MBNL1: variants seen among roughly 807,000 people sequenced by gnomAD.
MBNL1 encodes the protein muscleblind-like protein 1.
A neutral mutation model predicts 42.2 loss-of-function variants in MBNL1; 8 were observed. The observed-to-expected ratio is 0.19, with a 90% CI of 0.11 to 0.34. MBNL1 has a LOEUF of 0.34. MBNL1 is among the 10% of genes least tolerant of loss of function. The probability of loss-of-function intolerance (pLI) is 1.00; values close to 1 mark genes in which losing one functional copy is unlikely to be tolerated. For missense variants in MBNL1, 309 were observed against 495.3 expected (o/e 0.62, Z 3.57); for synonymous variants, 169 against 173.9 (o/e 0.97, Z 0.22).
At position 152,357,301 on chromosome 3, in the gene MBNL1, G is replaced by A. The variant is rs116758365; in HGVS notation, c.174+56934G>A. Among the ~76,000 whole-genome samples, 875 of 152,248 alleles carry A rather than the reference G, an allele frequency of 5.7e-3. 8 individuals carry two copies. The highest frequency in any genetic ancestry group is 0.02 in the African/African-American group (835 of 41,546). ...TAGTCAAGACCATTGCTACTCCTTAGTTATATGATCTTTGAACGGACTTTT... is the reference window on the plus strand; with the variant it reads ...TAGTCAAGACCATTGCTACTCCTTAATTATATGATCTTTGAACGGACTTTT... On this transcript the variant is annotated intron_variant, in intron 2 of 9. Coordinates refer to ENST00000324210, the MANE Select transcript of MBNL1 (RefSeq NM_021038.5).
intron 2 of MBNL1, among the ~76,000 whole-genome samples, chr3:152,245,722 T>C (rs1365502163): frequency 1.3e-5 from 2 of 152,208 alleles, no homozygotes; most frequent in African/African-American, 4.8e-5. Context: ...CGTATTTTCA[T>C]GCACTACACC....
At chr3:152,443,215 T>C (rs569853264) in intron 4 of MBNL1, among the ~76,000 whole-genome samples, 120 of 130,538 alleles carry the variant, frequency 9.2e-4, no homozygotes, top group African/African-American at 3.4e-3. Flanking sequence ...TGCAAATACA[T>C]ACACACAGAA....
chr3:152,317,890 G>A (rs1301873299), intron 2 of MBNL1, among the ~76,000 whole-genome samples: 1 of 152,216 alleles, frequency 6.6e-6, no homozygotes, highest in African/African-American at 2.4e-5. Flanking sequence ...GGACTTAAAT[G>A]TATACAGATT....
At chr3:152,349,913 G>A (rs1230979895) in intron 2 of MBNL1, among the ~76,000 whole-genome samples, 1 of 152,032 alleles carries the variant, frequency 6.6e-6, no homozygotes, top group Non-Finnish European at 1.5e-5. Context: ...AAGAAATATA[G>A]GTGTTAAAAT....
chr3:152,340,439 A>C, intron 2 of MBNL1: 1 of 1,301,874 alleles, frequency 7.7e-7, no homozygotes, highest in South Asian at 1.6e-5. Context: ...GTTCAGTTCC[A>C]TTTTTTTTTT....
chr3:152,258,808 C>T (rs1423482657), intron 2 of MBNL1, among the ~76,000 whole-genome samples: 1 of 152,126 alleles, frequency 6.6e-6, no homozygotes, highest in East Asian at 1.9e-4. Flanking sequence ...CTAAGCATAC[C>T]TTCTTTCTAA....
In MBNL1 at chr3:152,299,428, C is replaced by G. The variant is rs2151467092; in HGVS notation, c.-766C>G. 2.9e-6 allele frequency: 1 copy of G among 346,196 alleles called. No individual in the cohort carries two copies. The highest frequency in any genetic ancestry group is 4.3e-5 in the East Asian group (1 of 23,512). The allele number at this position is 346,196 out of a possible 1,614,324, so 21.4% of individuals were successfully genotyped here. ...AGGTTGGTACTAAGAAGTGCCTTTC[C>G]TGACGTCTCTGCTGCTTGGAACCGC... On this transcript the variant is annotated 5_prime_UTR_variant, in exon 2 of 10. Transcript: ENST00000324210.
chr3:152,249,593 C>G (rs2034125842), intron 2 of MBNL1, among the ~76,000 whole-genome samples: 1 of 148,190 alleles, frequency 6.7e-6, no homozygotes, highest in Admixed American at 6.8e-5. Flanking sequence ...ATGGTAGTTT[C>G]TTTTGCTGTG....
chr3:152,303,268 A>G (rs1050348319), intron 2 of MBNL1, among the ~76,000 whole-genome samples: 2 of 152,206 alleles, frequency 1.3e-5, no homozygotes, highest in African/African-American at 4.8e-5. Flanking sequence ...GGTATTAAGA[A>G]TGTCAGAATT....
At chr3:152,429,589 C>G (rs2098979337) in intron 3 of MBNL1, among the ~76,000 whole-genome samples, 1 of 152,064 alleles carries the variant, frequency 6.6e-6, no homozygotes, top group Non-Finnish European at 1.5e-5. Context: ...TCTGCTGAAC[C>G]CCCTGCAGGT....
At chr3:152,401,467 G>T (rs1022616823) in intron 2 of MBNL1, among the ~76,000 whole-genome samples, 4 of 152,140 alleles carry the variant, frequency 2.6e-5, no homozygotes, top group Non-Finnish European at 5.9e-5. Context: ...AATGGTAAGT[G>T]AAATGAACAT....
intron 4 of MBNL1, among the ~76,000 whole-genome samples, chr3:152,439,242 T>C (rs1289862699): frequency 6.6e-6 from 1 of 152,044 alleles, no homozygotes; most frequent in Non-Finnish European, 1.5e-5. Context: ...CAGAAAAAAA[T>C]ATAATACCCA....
chr3:152,296,589 A>T (rs754007028), intron 1 of MBNL1, among the ~76,000 whole-genome samples: 13 of 152,132 alleles, frequency 8.5e-5, no homozygotes, highest in Non-Finnish European at 1.6e-4. Context: ...TGAGATAGGG[A>T]GCTGTCCAAG....
intron 2 of MBNL1, among the ~76,000 whole-genome samples, chr3:152,376,245 G>T (rs1271692740): frequency 6.6e-6 from 1 of 152,144 alleles, no homozygotes; most frequent in East Asian, 1.9e-4. Flanking sequence ...TAAAATGTAA[G>T]ATTTTTTTCT....
chr3:152,386,959 A>T (rs1050406334), intron 2 of MBNL1, among the ~76,000 whole-genome samples: 1 of 152,116 alleles, frequency 6.6e-6, no homozygotes, highest in African/African-American at 2.4e-5. Context: ...TGAAGCAGGT[A>T]TTTGGTAAGT....
At position 152,338,183 on chromosome 3, in the gene MBNL1, T is replaced by C. The variant is rs2091760734; in HGVS notation, c.174+37816T>C. On this transcript the variant is annotated intron_variant, in intron 2 of 9. Coordinates refer to ENST00000324210, the MANE Select transcript of MBNL1 (RefSeq NM_021038.5). ...ATGTATGGGATGCTAGAATGGCCTA[T>C]CTCCATGTATTTTGTTGCATTTCTC... 9 of 985,340 alleles carry C rather than the reference T, an allele frequency of 9.1e-6. No homozygotes were observed. In the South Asian group the frequency reaches 3.8e-4, roughly 41 times the overall value. 61.0% of individuals were successfully genotyped at this position (985,340 alleles called of 1,614,324 possible).
chr3:152,311,200 G>A (rs994825267), intron 2 of MBNL1, among the ~76,000 whole-genome samples: 1 of 151,558 alleles, frequency 6.6e-6, no homozygotes, highest in African/African-American at 2.4e-5. Context: ...CTAGAGGTGG[G>A]GTTTCACCAT....
At chr3:152,452,352 G>T (rs2153912566) in intron 6 of MBNL1, among the ~76,000 whole-genome samples, 1 of 152,288 alleles carries the variant, frequency 6.6e-6, no homozygotes, top group Non-Finnish European at 1.5e-5. Flanking sequence ...TCCCTGGGTT[G>T]AGAGAAATAA....
intron 2 of MBNL1, among the ~76,000 whole-genome samples, chr3:152,383,730 T>C (rs943666831): frequency 2.0e-5 from 3 of 152,240 alleles, no homozygotes; most frequent in African/African-American, 7.2e-5. Flanking sequence ...CATGTTATGA[T>C]ACATTTCAGG....
Sources: allele counts gnomAD v4.1 joint callset (sites outside exome capture counted in the v4.1 genomes callset), GRCh38; gene constraint gnomAD v4.1.1; transcripts MANE v1.5; gene names NCBI Gene and HGNC (gene_info 2026-07-23, HGNC 2026-07-21).